The following SUCLG2 variants were observed in gnomAD, a reference collection of about 807,000 sequenced individuals.
The protein encoded by SUCLG2 is succinate--CoA ligase [GDP-forming] subunit beta, mitochondrial.
SUCLG2 carries 42 observed loss-of-function variants against 47.9 expected under a neutral mutation model. The observed-to-expected ratio is 0.88, with a 90% CI of 0.69 to 1.14. SUCLG2 has a LOEUF of 1.14. SUCLG2 is among the 50% of genes most tolerant of loss of function. SUCLG2 has a pLI of 0.00. For synonymous variants in SUCLG2, 195 were observed against 197.3 expected, an observed-to-expected ratio of 0.99 and a Z score of 0.10; for missense variants, 571 against 525.9, an observed-to-expected ratio of 1.09 and a Z score of -0.84.
In SUCLG2 at chr3:67,601,242, G is replaced by C. The variant is rs1370624221; in HGVS notation, c.226+8213C>G. 2.0e-5 allele frequency among the ~76,000 whole-genome samples: 3 copies of C among 152,132 alleles called. No homozygotes were observed. In the East Asian group the frequency reaches 5.8e-4, roughly 29 times the overall value. ...CAGAAATTAATATTGCTGAATGCAT[G>C]TGTGCAAAACAAAAATGAAAGAAAA... On this transcript the variant is annotated intron_variant, in intron 2 of 10. Coordinates refer to ENST00000307227, the MANE Select transcript of SUCLG2 (RefSeq NM_003848.4).
At chr3:67,583,365 G>A (rs1707930916) in intron 2 of SUCLG2, among the ~76,000 whole-genome samples, 1 of 152,098 alleles carries the variant, frequency 6.6e-6, no homozygotes, top group Non-Finnish European at 1.5e-5. Flanking sequence ...GGCCAATTTC[G>A]GCTCAGCGAA....
In SUCLG2 at chr3:67,440,519, C is replaced by T. The variant is rs531480577; in HGVS notation, c.1063-39668G>A. On this transcript the variant is annotated intron_variant, in intron 9 of 10. Coordinates refer to ENST00000307227, the MANE Select transcript of SUCLG2 (RefSeq NM_003848.4). ...GCTAATATCCAGAATCTACAAAGAACTTAAATTTACAGGAAAAAAACAAAC... is the reference window on the plus strand; with the variant it reads ...GCTAATATCCAGAATCTACAAAGAATTTAAATTTACAGGAAAAAAACAAAC... Among the ~76,000 whole-genome samples the T allele has an allele frequency of 2.0e-5, 3 of 151,934 alleles. No homozygotes were observed. In the South Asian group the frequency reaches 6.2e-4, roughly 32 times the overall value.
At chr3:67,474,635 G>A (rs950326901) in intron 9 of SUCLG2, among the ~76,000 whole-genome samples, 2 of 152,152 alleles carry the variant, frequency 1.3e-5, no homozygotes, top group Admixed American at 1.3e-4. Flanking sequence ...TTTTAAAATA[G>A]TTTTTTAAGA....
At chr3:67,483,874 T>C (rs1273506060) in intron 9 of SUCLG2, among the ~76,000 whole-genome samples, 1 of 152,194 alleles carries the variant, frequency 6.6e-6, no homozygotes, top group Non-Finnish European at 1.5e-5. Context: ...ACACCCTGAC[T>C]TGTACCTATG....
At chr3:67,376,045 G>A in intron 10 of SUCLG2, 186 bp from the exon 11 acceptor site, 1 of 985,454 alleles carries the variant, frequency 1.0e-6, no homozygotes, top group Non-Finnish European at 1.2e-6. Context: ...CTGTGGTCCA[G>A]CTAGAAAAGA....
At chr3:67,629,737 C>T (rs942489540) in intron 1 of SUCLG2, among the ~76,000 whole-genome samples, 5 of 152,128 alleles carry the variant, frequency 3.3e-5, no homozygotes, top group African/African-American at 1.2e-4. Context: ...ATTTAAAGGG[C>T]CACCAGCAGT....
chr3:67,552,384 G>T (rs564593510), intron 2 of SUCLG2, among the ~76,000 whole-genome samples: 71 of 152,056 alleles, frequency 4.7e-4, no homozygotes, highest in Admixed American at 1.7e-3. Flanking sequence ...ATAAAACAAG[G>T]CCCACTCTAT....
intron 10 of SUCLG2, among the ~76,000 whole-genome samples, chr3:67,381,140 G>A (rs1702149255): frequency 6.6e-6 from 1 of 151,834 alleles, no homozygotes; most frequent in East Asian, 1.9e-4. Flanking sequence ...TTGCACCACT[G>A]CACTCCAGCC....
chr3:67,587,771 A>G lies in SUCLG2; in HGVS notation c.226+21684T>C, dbSNP rs974345484. Among the ~76,000 whole-genome samples, 5 of 152,354 alleles carry G rather than the reference A, an allele frequency of 3.3e-5. No individual in the cohort carries two copies. The East Asian group carries it at 9.6e-4, about 29-fold the overall frequency. ...AATGTGTCACCAAAGCCTATAATCC[A>G]GTCCCTATGGCATCATTCATTGACA... On this transcript the variant is annotated intron_variant, in intron 2 of 10. Transcript: ENST00000307227.
chr3:67,582,059 A>G (rs1473226443), intron 2 of SUCLG2, among the ~76,000 whole-genome samples: 1 of 152,234 alleles, frequency 6.6e-6, no homozygotes, highest in Non-Finnish European at 1.5e-5. Context: ...TTAACACTTA[A>G]TAAGTACCAG....
At chr3:67,645,098 G>T (rs1247852119) in intron 1 of SUCLG2, among the ~76,000 whole-genome samples, 1 of 152,092 alleles carries the variant, frequency 6.6e-6, no homozygotes, top group Non-Finnish European at 1.5e-5. Flanking sequence ...TAAGCAAAAT[G>T]AAATACCACT....
At chr3:67,368,944 TATGTTAAATTAGTAA>T (rs1156356672) in intron 10 of SUCLG2, among the ~76,000 whole-genome samples, 3 of 152,182 alleles carry the variant, frequency 2.0e-5, no homozygotes, top group Non-Finnish European at 4.4e-5. Flanking sequence ...CCACATTTAT[TATGTTAAATTAGTAA>T]ATGTAGTTAA....
intron 10 of SUCLG2, among the ~76,000 whole-genome samples, chr3:67,385,117 G>C (rs556321546): frequency 6.6e-6 from 1 of 152,320 alleles, no homozygotes; most frequent in East Asian, 1.9e-4. Flanking sequence ...TGGAAATTGA[G>C]TCAGGAAGAA....
intron 9 of SUCLG2, among the ~76,000 whole-genome samples, chr3:67,451,083 G>C (rs144976870): frequency 6.6e-6 from 1 of 152,204 alleles, no homozygotes; most frequent in Non-Finnish European, 1.5e-5. Context: ...AGGTGACCAA[G>C]TGATAGCAGT....
At chr3:67,552,943 T>C (rs575273191) in intron 2 of SUCLG2, among the ~76,000 whole-genome samples, 2 of 152,352 alleles carry the variant, frequency 1.3e-5, no homozygotes, top group Non-Finnish European at 2.9e-5. Context: ...ATAAGAAATA[T>C]ACTGAATGCT....
chr3:67,575,728 A>G (rs1359588182), intron 2 of SUCLG2, among the ~76,000 whole-genome samples: 1 of 152,250 alleles, frequency 6.6e-6, no homozygotes, highest in Non-Finnish European at 1.5e-5. Flanking sequence ...AAAGAAAGCT[A>G]GCCAACAAGG....
At chr3:67,375,912 T>C (rs1446613772) in intron 10 of SUCLG2, 53 bp from the exon 11 acceptor site, 3 of 1,584,568 alleles carry the variant, frequency 1.9e-6, no homozygotes, top group Non-Finnish European at 1.7e-6. Context: ...TGGCGCCTTA[T>C]GAAGTTTGCA....
chr3:67,474,643 A>C (rs1346379067), intron 9 of SUCLG2, among the ~76,000 whole-genome samples: 1 of 152,358 alleles, frequency 6.6e-6, no homozygotes, highest in East Asian at 1.9e-4. Flanking sequence ...TAGTTTTTTA[A>C]GAAGCTTCAC....
chr3:67,541,634 G>A (rs1706714322), intron 2 of SUCLG2, among the ~76,000 whole-genome samples: 2 of 152,144 alleles, frequency 1.3e-5, no homozygotes, highest in East Asian at 3.9e-4. Context: ...TAGCAAGGCA[G>A]GCCAAAATTC....
Sources: gnomAD v4.1 joint callset for allele counts (sites outside exome capture counted in the v4.1 genomes callset) on GRCh38, gnomAD v4.1.1 for gene constraint, MANE v1.5 for transcripts, NCBI Gene and HGNC (gene_info 2026-07-23, HGNC 2026-07-21) for gene names.